Variants in LRRC1 observed in about 807,000 individuals in gnomAD.
The protein encoded by LRRC1 is leucine-rich repeat-containing protein 1.
In LRRC1, 28 loss-of-function variants were observed where a neutral mutation model predicts 69.9. That is an observed-to-expected ratio of 0.40 (90% CI 0.30 to 0.55). The LOEUF (loss-of-function observed/expected upper bound fraction) is 0.55, where lower values mean the gene tolerates loss of function less well. LRRC1 is among the 20% of genes least tolerant of loss of function. The pLI, the probability that LRRC1 is intolerant of heterozygous loss-of-function variation, is 0.47. For missense variants in LRRC1, 498 were observed against 609.0 expected, an observed-to-expected ratio of 0.82 and a Z score of 1.92; for synonymous variants, 236 against 240.2, an observed-to-expected ratio of 0.98 and a Z score of 0.16.
chr6:53,878,113 A>C (rs532662580), intron 2 of LRRC1, among the ~76,000 whole-genome samples: 1 of 152,174 alleles, frequency 6.6e-6, no homozygotes, highest in Admixed American at 6.5e-5. Flanking sequence ...TCCCCCTTAT[A>C]ATAACCATCA....
chr6:53,817,599 C>G (rs933327547), intron 1 of LRRC1, among the ~76,000 whole-genome samples: 5 of 151,944 alleles, frequency 3.3e-5, no homozygotes, highest in Non-Finnish European at 7.4e-5. Context: ...ATCTTTGTAC[C>G]CCCTTAAGAA....
Position 53,882,909 on chromosome 6 carries a change from T to C in LRRC1, c.379T>C (p.Leu127=), listed in dbSNP as rs1165898241. Reference sequence around the variant, plus strand: ...TAGGTTGCCAGAAAGCTTTCCTGAATTACAGAATTTAACATGTCTTTCTGT... The same window carrying C: ...TAGGTTGCCAGAAAGCTTTCCTGAACTACAGAATTTAACATGTCTTTCTGT... The part of the protein sequence containing the change: ...LTRLPESFPE[L]QNLTCLSVND... The change falls in exon 4 of 14, where the codon TTA becomes CTA. Residue 127 remains leucine, a synonymous_variant. Coordinates refer to ENST00000370888, the MANE Select transcript of LRRC1 (RefSeq NM_018214.5). 6.2e-7 allele frequency: 1 copy of C among 1,607,446 alleles called. No individual in the cohort carries two copies. The highest frequency in any genetic ancestry group is 1.1e-5 in the South Asian group (1 of 88,986).
intron 2 of LRRC1, among the ~76,000 whole-genome samples, chr6:53,868,446 G>A (rs943130784): frequency 2.0e-5 from 3 of 152,030 alleles, no homozygotes; most frequent in South Asian, 2.1e-4. Flanking sequence ...GGCTGGTCTC[G>A]AACTCCTGAC....
intron 1 of LRRC1, among the ~76,000 whole-genome samples, chr6:53,817,064 A>T (rs1764971548): frequency 6.6e-6 from 1 of 152,188 alleles, no homozygotes; most frequent in South Asian, 2.1e-4. Context: ...AAAGACATAG[A>T]AGAAAAGGTC....
intron 1 of LRRC1, among the ~76,000 whole-genome samples, chr6:53,798,794 C>G (rs145891641): frequency 1.5e-3 from 230 of 152,372 alleles, no homozygotes; most frequent in African/African-American, 5.3e-3. Context: ...CTTCCTCCCT[C>G]TGCTTCTTTC....
intron 2 of LRRC1, among the ~76,000 whole-genome samples, chr6:53,873,674 G>T (rs1285188149): frequency 7.2e-5 from 11 of 152,042 alleles, no homozygotes; most frequent in Non-Finnish European, 2.9e-5. Context: ...GTTCTCATGG[G>T]TTTTTTATGG....
chr6:53,902,105 C>T (rs1357128796), intron 8 of LRRC1, among the ~76,000 whole-genome samples: 3 of 152,178 alleles, frequency 2.0e-5, no homozygotes, highest in Admixed American at 2.0e-4. Flanking sequence ...CAGTGGGTAT[C>T]ACCAGGACGT....
intron 2 of LRRC1, among the ~76,000 whole-genome samples, chr6:53,844,306 A>G (rs1389417082): frequency 6.6e-6 from 1 of 152,224 alleles, no homozygotes; most frequent in African/African-American, 2.4e-5. Flanking sequence ...ATACATAGCA[A>G]TTTTGAAATG....
intron 4 of LRRC1, among the ~76,000 whole-genome samples, chr6:53,893,577 A>T (rs2127434714): frequency 6.6e-6 from 1 of 152,294 alleles, no homozygotes; most frequent in South Asian, 2.1e-4. Context: ...TTGCTCAAAG[A>T]AAATGCTCAT....
At chr6:53,884,831 A>G (rs758650748) in intron 4 of LRRC1, among the ~76,000 whole-genome samples, 29 of 152,260 alleles carry the variant, frequency 1.9e-4, no homozygotes, top group Admixed American at 7.8e-4. Flanking sequence ...ATTTTTTATA[A>G]TGTTCATTAT....
intron 1 of LRRC1, among the ~76,000 whole-genome samples, chr6:53,810,790 C>G (rs940327382): frequency 6.6e-6 from 1 of 152,334 alleles, no homozygotes; most frequent in Middle Eastern, 3.4e-3. Context: ...AGTGATAGGA[C>G]TAGCTCTCCC....
chr6:53,857,168 G>C (rs999527262), intron 2 of LRRC1, among the ~76,000 whole-genome samples: 4 of 152,176 alleles, frequency 2.6e-5, no homozygotes, highest in Non-Finnish European at 5.9e-5. Context: ...TCATCCATCT[G>C]TCGGTGATGG....
chr6:53,809,058 G>T (rs1041816175), intron 1 of LRRC1, among the ~76,000 whole-genome samples: 1 of 152,166 alleles, frequency 6.6e-6, no homozygotes, highest in African/African-American at 2.4e-5. Flanking sequence ...ATCCGTCTGG[G>T]AAAACAGTAG....
intron 1 of LRRC1, among the ~76,000 whole-genome samples, chr6:53,821,336 A>G (rs749729297): frequency 2.6e-5 from 4 of 152,222 alleles, no homozygotes; most frequent in Non-Finnish European, 5.9e-5. Context: ...TCCTTTCTCC[A>G]TTAAAAAATT....
chr6:53,857,100 G>T (rs1227935950), intron 2 of LRRC1, among the ~76,000 whole-genome samples: 5 of 152,128 alleles, frequency 3.3e-5, no homozygotes, highest in Admixed American at 6.5e-5. Flanking sequence ...GTAGGCAGAT[G>T]AATATAAAGT....
At chr6:53,921,375 A>G (rs1373487664) in intron 13 of LRRC1, among the ~76,000 whole-genome samples, 1 of 151,774 alleles carries the variant, frequency 6.6e-6, no homozygotes, top group Non-Finnish European at 1.5e-5. Flanking sequence ...TTTTTTTTTA[A>G]TTGTTCCCAG....
chr6:53,841,457 T>G (rs1453218496), intron 1 of LRRC1, among the ~76,000 whole-genome samples: 1 of 152,164 alleles, frequency 6.6e-6, no homozygotes, highest in African/African-American at 2.4e-5. Context: ...TTTTGTACTC[T>G]TTCATTTTCT....
chr6:53,841,538 A>G (rs757338432), intron 1 of LRRC1, among the ~76,000 whole-genome samples: 15 of 152,076 alleles, frequency 9.9e-5, no homozygotes, highest in Non-Finnish European at 1.5e-4. Context: ...TCATTTTAAT[A>G]CAGTTTTTAA....
At chr6:53,802,965 T>C (rs528831462) in intron 1 of LRRC1, among the ~76,000 whole-genome samples, 3 of 152,324 alleles carry the variant, frequency 2.0e-5, no homozygotes, top group Non-Finnish European at 2.9e-5. Context: ...GCTTTTAGTA[T>C]GGTAAAACAG....
Sources: gnomAD v4.1 joint callset for allele counts (sites outside exome capture counted in the v4.1 genomes callset) on GRCh38, gnomAD v4.1.1 for gene constraint, MANE v1.5 for transcripts, NCBI Gene and HGNC (gene_info 2026-07-23, HGNC 2026-07-21) for gene names.